Variants in CA9 observed in about 807,000 individuals in gnomAD.
The protein encoded by CA9 is CA-IX.
A neutral mutation model predicts 51.8 loss-of-function variants in CA9; 43 were observed. The ratio of observed to expected loss-of-function variants is 0.83; its 90% CI spans 0.65 to 1.07. The LOEUF is 1.07. Ranked by LOEUF, CA9 falls within the 50% of genes least tolerant of loss-of-function variation. CA9 has a pLI of 0.00. For missense variants in CA9, 574 were observed against 581.4 expected, an observed-to-expected ratio of 0.99 and a Z score of 0.13; for synonymous variants, 253 against 244.2, an observed-to-expected ratio of 1.04 and a Z score of -0.34.
At position 35,679,417 on chromosome 9, in the gene CA9, G is replaced by C. The variant is rs1824486611; in HGVS notation, c.1065+75G>C. ...TAAGATGAGATGAGAAACAGGAGAAGAAAGAAATCAAGGCTGGGCTCTGTG... is the reference window on the plus strand; with the variant it reads ...TAAGATGAGATGAGAAACAGGAGAACAAAGAAATCAAGGCTGGGCTCTGTG... On this transcript the variant is annotated intron_variant, in intron 7 of 10. Coordinates refer to ENST00000378357, the MANE Select transcript of CA9 (RefSeq NM_001216.3). 4 of 1,528,592 alleles carry C rather than the reference G, an allele frequency of 2.6e-6. No individual in the cohort carries two copies. The East Asian group carries it at 9.1e-5, about 35-fold the overall frequency. 94.7% of individuals were successfully genotyped at this position (1,528,592 alleles called of 1,614,324 possible).
intron 10 of CA9, 64 bp downstream of exon 10, chr9:35,680,898 A>T: frequency 5.0e-6 from 8 of 1,608,576 alleles, no homozygotes; most frequent in Non-Finnish European, 6.0e-6. Flanking sequence ...ACTTCATGCA[A>T]AGCGCATGCA....
chr9:35,679,180 C>A lies in CA9; in HGVS notation c.908-5C>A, dbSNP rs771038734. The A allele has an allele frequency of 6.2e-7, 1 of 1,614,034 alleles. No individual in the cohort carries two copies. Among genetic ancestry groups the A allele is most frequent in the South Asian group, 1.1e-5 (1 of 91,070 alleles). On this transcript the variant is annotated splice_polypyrimidine_tract_variant and splice_region_variant and intron_variant, in intron 6 of 10. Coordinates refer to ENST00000378357, the MANE Select transcript of CA9 (RefSeq NM_001216.3). ...ATGAGACCCCAACATAGATCCTCTT[C>A]ACAGGCTCAGAGACTCAGGTCCCAG...
At position 35,680,710 on chromosome 9, in the gene CA9, C is replaced by T. The variant is rs757815754; in HGVS notation, c.1238-43C>T. On this transcript the variant is annotated intron_variant, in intron 9 of 10. Coordinates refer to ENST00000378357, the MANE Select transcript of CA9 (RefSeq NM_001216.3). ...GCAGGTGTTGAGGAACTCTGCAGACCCCTCTTCCTTCCCAAAGCAGCCCTC... is the reference window on the plus strand; with the variant it reads ...GCAGGTGTTGAGGAACTCTGCAGACTCCTCTTCCTTCCCAAAGCAGCCCTC... 5.2e-6 allele frequency: 8 copies of T among 1,537,346 alleles called. No individual in the cohort carries two copies. The East Asian group carries it at 1.6e-4, about 30-fold the overall frequency.
Position 35,675,855 on chromosome 9 carries a change from C to G in CA9, c.528C>G (p.Ala176=), listed in dbSNP as rs2301370. The part of the protein sequence containing the change: ...IRPQLAAFCP[A]LRPLELLGFQ... ...CCCAGCTCGCCGCCTTCTGCCCGGCCCTGCGCCCCCTGGAACTCCTGGGCT... is the reference window on the plus strand; with the variant it reads ...CCCAGCTCGCCGCCTTCTGCCCGGCGCTGCGCCCCCTGGAACTCCTGGGCT... The change falls in exon 3 of 11, where the codon GCC becomes GCG. Residue 176 remains alanine (A), a synonymous_variant. Coordinates refer to ENST00000378357, the MANE Select transcript of CA9 (RefSeq NM_001216.3). 0.034 allele frequency: 53,871 copies of G among 1,605,186 alleles called. 1,357 individuals are homozygous for G. The highest frequency in any genetic ancestry group is 0.13 in the East Asian group (5,716 of 44,840).
Position 35,681,081 on chromosome 9 carries a change from G to A in CA9, c.*56G>A. 6.7e-7 allele frequency: 1 copy of A among 1,485,304 alleles called. No homozygotes were observed. The highest frequency in any genetic ancestry group is 1.2e-5 in the South Asian group (1 of 86,514). The allele number at this position is 1,485,304 out of a possible 1,614,324, so 92.0% of individuals were successfully genotyped here. The stretch of plus-strand genomic sequence containing the variant: ...GCCAGAGGCATCTGAGGGGGAGCCG[G>A]TAACTGTCCTGTCCTGCTCATTATG... On this transcript the variant is annotated 3_prime_UTR_variant, in exon 11 of 11. Transcript: ENST00000378357.
Position 35,676,174 on chromosome 9 carries a change from C to T in CA9, c.715C>T (p.His239Tyr), listed in dbSNP as rs1437234095. The change falls in exon 4 of 11, where the codon CAC becomes TAC. Residue 239 changes from histidine to tyrosine, a missense_variant. Transcript: ENST00000378357. ...WGAAGRPGSEHTVEGHRFPAE... is the reference protein window; with the variant it reads ...WGAAGRPGSEYTVEGHRFPAE... ...GGCTGCAGGTCGTCCGGGCTCGGAG[C>T]ACACTGTGGAAGGCCACCGTTTCCC... 1.2e-6 allele frequency: 2 copies of T among 1,612,048 alleles called. No homozygotes were observed. Among genetic ancestry groups the T allele is most frequent in the Non-Finnish European group, 1.7e-6 (2 of 1,179,120 alleles).
rs1563921611 is a variant in CA9 at position 35,674,204 on chromosome 9, ATCTACCTGGAGAGGAG to A, written c.246_261del (p.Asp82GlufsTer22). The stretch of plus-strand genomic sequence containing the variant: ...GAGGAGGATCCACCCGGAGAGGAGG[ATCTACCTGGAGAGGAG>A]GATCTACCTGGAGAGGAGGATCTAC... On this transcript the variant is annotated frameshift_variant, in exon 1 of 11. Transcript: ENST00000378357. LOFTEE classifies it high-confidence loss of function. 1 of 1,513,420 alleles carries A rather than the reference ATCTACCTGGAGAGGAG, an allele frequency of 6.6e-7. No individual in the cohort carries two copies. Among genetic ancestry groups the A allele is most frequent in the African/African-American group, 1.6e-5 (1 of 62,304 alleles). The allele number at this position is 1,513,420 out of a possible 1,614,324, so 93.7% of individuals were successfully genotyped here.
chr9:35,675,316 A>G, intron 1 of CA9: 3 of 599,376 alleles, frequency 5.0e-6, no homozygotes, highest in Non-Finnish European at 9.0e-6. Flanking sequence ...TCACTTTTAC[A>G]GACCCTAAGA....
intron 5 of CA9, among the ~76,000 whole-genome samples, chr9:35,677,409 G>A (rs1474496486): frequency 6.6e-6 from 1 of 152,168 alleles, no homozygotes; most frequent in Admixed American, 6.5e-5. Context: ...CCTGTGGGGA[G>A]TATGTACGGA....
At chr9:35,680,876 C>G in intron 10 of CA9, 42 bp downstream of exon 10, 1 of 1,609,272 alleles carries the variant, frequency 6.2e-7, no homozygotes, top group Non-Finnish European at 8.5e-7. Context: ...CTTCCCCCAC[C>G]CTTGTGGAGT....
At position 35,681,078 on chromosome 9, in the gene CA9, C is replaced by T. The variant is rs2131842087; in HGVS notation, c.*53C>T. 1.3e-6 allele frequency: 2 copies of T among 1,508,452 alleles called. No homozygotes were observed. Among genetic ancestry groups the T allele is most frequent in the East Asian group, 2.3e-5 (1 of 44,366 alleles). 93.4% of individuals were successfully genotyped at this position (1,508,452 alleles called of 1,614,324 possible). On this transcript the variant is annotated 3_prime_UTR_variant, in exon 11 of 11. Coordinates refer to ENST00000378357, the MANE Select transcript of CA9 (RefSeq NM_001216.3). ...CCAGCCAGAGGCATCTGAGGGGGAG[C>T]CGGTAACTGTCCTGTCCTGCTCATT...
At chr9:35,679,747 A>G in intron 7 of CA9, 107 bp from the exon 8 acceptor site, 1 of 1,039,908 alleles carries the variant, frequency 9.6e-7, no homozygotes, top group Non-Finnish European at 1.4e-6. Flanking sequence ...GATGGGGAAT[A>G]CAGGAGCTGG....
intron 1 of CA9, 139 bp from the exon 2 acceptor site, chr9:35,675,399 G>A (rs1453197219): frequency 6.6e-6 from 6 of 907,216 alleles, no homozygotes; most frequent in Non-Finnish European, 1.1e-5. Flanking sequence ...GCGGTCTCCT[G>A]TGCTTTGCAC....
intron 6 of CA9, among the ~76,000 whole-genome samples, chr9:35,678,400 A>C (rs1824466282): frequency 6.6e-6 from 1 of 152,016 alleles, no homozygotes; most frequent in South Asian, 2.1e-4. Flanking sequence ...GACAAAAAAA[A>C]CAAGACCAAA....
intron 7 of CA9, 89 bp from the exon 8 acceptor site, chr9:35,679,765 A>C: frequency 7.9e-7 from 1 of 1,273,710 alleles, no homozygotes; most frequent in Non-Finnish European, 1.1e-6. Flanking sequence ...TGGAGGGTGG[A>C]GCCCTGAGGT....
chr9:35,678,215 G>T (rs968753620), intron 6 of CA9, among the ~76,000 whole-genome samples: 1 of 151,770 alleles, frequency 6.6e-6, no homozygotes, highest in South Asian at 2.1e-4. Flanking sequence ...GCGTGGTGGC[G>T]GGTGCCTGTA....
rs146107088 is a variant in CA9 at position 35,677,757 on chromosome 9, T to C, written c.841-33T>C. 7.5e-4 allele frequency: 1,179 copies of C among 1,573,956 alleles called. 2 individuals carry two copies. Among genetic ancestry groups the C allele is most frequent in the South Asian group, 9.7e-4 (88 of 90,314 alleles). ...GCCTTCAGCCATGGCCCTGGATACA[T>C]GCACTCATCTGTCTTACAATGTCAT... is the stretch of plus-strand genomic sequence containing the variant. On this transcript the variant is annotated intron_variant, in intron 5 of 10. Transcript: ENST00000378357.
chr9:35,675,666 GC>G, intron 2 of CA9, 94 bp from the exon 3 acceptor site: 1 of 751,840 alleles, frequency 1.3e-6, no homozygotes, highest in South Asian at 1.4e-5. Flanking sequence ...CGTCCCACCC[GC>G]CGCCCACCGT....
chr9:35,680,226 C>A (rs767508521), intron 9 of CA9, 87 bp downstream of exon 9: 185 of 1,490,002 alleles, frequency 1.2e-4, no homozygotes, highest in Non-Finnish European at 1.5e-4. Flanking sequence ...GCCTCTGCTC[C>A]CTCTCCTTTT....
Sources: gnomAD v4.1 joint callset for allele counts (sites outside exome capture counted in the v4.1 genomes callset) on GRCh38, gnomAD v4.1.1 for gene constraint, MANE v1.5 for transcripts, NCBI Gene and HGNC (gene_info 2026-07-23, HGNC 2026-07-21) for gene names.